PTPRB: variants seen among roughly 807,000 people sequenced by gnomAD.
PTPRB encodes protein tyrosine phosphatase receptor type B, also known as receptor-type tyrosine-protein phosphatase beta.
PTPRB carries 97 observed loss-of-function variants against 238.1 expected under a neutral mutation model. That is an observed-to-expected ratio of 0.41 (90% CI 0.35 to 0.48). The LOEUF (loss-of-function observed/expected upper bound fraction) is 0.48, where lower values mean the gene tolerates loss of function less well. Among genes scored for constraint, PTPRB ranks in the 20% least tolerant of loss-of-function variants. The pLI is 0.30. For missense variants in PTPRB, 2,292 were observed against 2,681.9 expected (o/e 0.85, Z 3.21); for synonymous variants, 970 against 995.4 (o/e 0.97, Z 0.48).
intron 33 of PTPRB, among the ~76,000 whole-genome samples, chr12:70,522,863 C>CT (rs35913444): frequency 0.19 from 22,070 of 117,868 alleles, 2,710 homozygotes; most frequent in Non-Finnish European, 0.22. Flanking sequence ...TTTGTTTTTT[C>CT]TTTTTTTTTT....
At chr12:70,561,471 A>C (rs567489632) in intron 16 of PTPRB, among the ~76,000 whole-genome samples, 2 of 152,318 alleles carry the variant, frequency 1.3e-5, no homozygotes, top group South Asian at 4.1e-4. Flanking sequence ...ACCTATCCCA[A>C]TAGCTTTGCT....
rs1279221891 is a variant in PTPRB, at chr12:70,538,303, T to G, written c.5870-72A>C. ...GTTTATGTGATGTGTGTGATGTGCC[T>G]TAGCTCTGATCCCCACAACAGCCAC... On this transcript the variant is annotated intron_variant, in intron 27 of 33. Transcript: ENST00000334414. 7 of 1,292,736 alleles carry G rather than the reference T, an allele frequency of 5.4e-6. No individual in the cohort carries two copies. In the South Asian group the frequency reaches 6.7e-5, roughly 12 times the overall value. The allele number at this position is 1,292,736 out of a possible 1,614,324, so 80.1% of individuals were successfully genotyped here. A position where few individuals can be genotyped will look rare whatever the true frequency, so the allele number is the denominator to read the frequency against.
At chr12:70,624,999 A>G (rs1885109992) in intron 2 of PTPRB, among the ~76,000 whole-genome samples, 1 of 152,184 alleles carries the variant, frequency 6.6e-6, no homozygotes, top group Non-Finnish European at 1.5e-5. Context: ...GTAGCTTTGG[A>G]CTATCCTATG....
rs927977061 is a variant in PTPRB, at chr12:70,519,097, G to C, written c.*2392C>G. ...TTGCTAAGAAGGTTTAAAATTAGGT[G>C]TAGGGTAGGAATAAACATTTCCTGG... On this transcript the variant is annotated 3_prime_UTR_variant, in exon 34 of 34. Transcript: ENST00000334414. 4.6e-5 allele frequency: 7 copies of C among 152,152 alleles called. No homozygotes were observed. Among genetic ancestry groups the C allele is most frequent in the African/African-American group, 7.2e-5 (3 of 41,410 alleles). The allele number at this position is 152,152 out of a possible 1,614,324, so 9.4% of individuals were successfully genotyped here.
At chr12:70,549,838 G>T (rs1314709964) in intron 21 of PTPRB, among the ~76,000 whole-genome samples, 1 of 152,194 alleles carries the variant, frequency 6.6e-6, no homozygotes, top group East Asian at 1.9e-4. Flanking sequence ...ATATAGGAAA[G>T]GTGTGTTCTG....
intron 3 of PTPRB, 56 bp from the exon 4 acceptor site, chr12:70,609,395 A>T: frequency 6.4e-7 from 1 of 1,570,496 alleles, no homozygotes; most frequent in Non-Finnish European, 8.6e-7. Context: ...GCTCAGGGAC[A>T]TGTCCACAGC....
chr12:70,539,145 A>AGG, intron 26 of PTPRB, 131 bp from the exon 27 acceptor site: 2 of 738,458 alleles, frequency 2.7e-6, no homozygotes, highest in Non-Finnish European at 4.6e-6. Context: ...CTAGTACTCA[A>AGG]CATGCATTAG....
intron 4 of PTPRB, among the ~76,000 whole-genome samples, chr12:70,600,961 G>C (rs1316872252): frequency 6.6e-6 from 1 of 152,002 alleles, no homozygotes; most frequent in Non-Finnish European, 1.5e-5. Context: ...TCCGCCTCCT[G>C]GGTTCAAGCG....
At chr12:70,534,235 G>C (rs1464482757) in intron 31 of PTPRB, among the ~76,000 whole-genome samples, 1 of 152,164 alleles carries the variant, frequency 6.6e-6, no homozygotes. Context: ...AAAAAAGCAA[G>C]AGGGAGAGAG....
chr12:70,619,157 A>AGAGTGT (rs1884807798), intron 3 of PTPRB, among the ~76,000 whole-genome samples: 1 of 142,120 alleles, frequency 7.0e-6, no homozygotes, highest in East Asian at 2.1e-4. Context: ...TGTTTAGGGG[A>AGAGTGT]GTGTGTGTGT....
Position 70,628,222 on chromosome 12 carries a change from T to G in PTPRB, c.452-5576A>C, listed in dbSNP as rs1221633398. On this transcript the variant is annotated intron_variant, in intron 2 of 33. Transcript: ENST00000334414. ...CCTGCCCTCAGATAAAGGTGAGATT[T>G]GAATGAATGAATCTGAATTGAGTGG... is the stretch of plus-strand genomic sequence containing the variant. Among the ~76,000 whole-genome samples, 6 of 152,208 alleles carry G rather than the reference T, an allele frequency of 3.9e-5. No individual in the cohort carries two copies. In the South Asian group the frequency reaches 1.2e-3, roughly 31 times the overall value.
rs777092193 is a variant in PTPRB, at chr12:70,571,061, T to A, written c.3335A>T (p.Asp1112Val). The change falls in exon 13 of 34, where the codon GAT becomes GTT. Residue 1112 changes from aspartate to valine, a missense_variant. By Grantham distance (152) the Asp-to-Val change is radical. Around this residue, in one of 4 missense-constraint regions of PTPRB, gnomAD observed 683 missense variants for 862.0 expected, o/e 0.79. Coordinates refer to ENST00000334414, the MANE Select transcript of PTPRB (RefSeq NM_001109754.4). ...CTCAATGAAGGCTGACTGCTGTACA[T>A]CCCCGCTAATCGTCAAGACAAGAAT... ...YKILVLTISG[D>V]VQQSAFIEGF... 11 of 1,613,966 alleles carry A rather than the reference T, an allele frequency of 6.8e-6. No individual in the cohort carries two copies. Among genetic ancestry groups the A allele is most frequent in the South Asian group, 6.6e-5 (6 of 91,078 alleles).
chr12:70,630,549 G>A (rs1431670655), intron 2 of PTPRB, among the ~76,000 whole-genome samples: 1 of 152,178 alleles, frequency 6.6e-6, no homozygotes, highest in Non-Finnish European at 1.5e-5. Context: ...ATTCGACATA[G>A]TGTTGGGAGT....
At position 70,636,008 on chromosome 12, in the gene PTPRB, C is replaced by G. The variant is rs763867949; in HGVS notation, c.114G>C (p.Val38=). 1.2e-6 allele frequency: 2 copies of G among 1,613,602 alleles called. No individual in the cohort carries two copies. Among genetic ancestry groups the G allele is most frequent in the Non-Finnish European group, 1.7e-6 (2 of 1,179,760 alleles). The change falls in exon 2 of 34, where the codon GTG becomes GTC. Residue 38 remains valine (V), a synonymous_variant. Transcript: ENST00000334414. Reference sequence around the variant, plus strand: ...TGGTCCTGTTGCATGAGCCCACGACCACTTTCTCATTTTTGAAAAGACACT... The same window carrying G: ...TGGTCCTGTTGCATGAGCCCACGACGACTTTCTCATTTTTGAAAAGACACT... ...KQQCLFKNEK[V]VVGSCNRTIQ...
At chr12:70,571,534 C>A in intron 12 of PTPRB, 1 of 579,666 alleles carries the variant, frequency 1.7e-6, no homozygotes, top group Non-Finnish European at 3.0e-6. Flanking sequence ...GTTATGATCT[C>A]AATCATAAGA....
In PTPRB at chr12:70,532,110, G is replaced by A; in HGVS notation, c.6429C>T (p.Asp2143=). 6.2e-7 allele frequency: 1 copy of A among 1,613,894 alleles called. No individual in the cohort carries two copies. The highest frequency in any genetic ancestry group is 8.5e-7 in the Non-Finnish European group (1 of 1,179,838). The part of the protein sequence containing the change: ...IALDRILQQL[D]SKDSVDIYGA... ...CATAAATGTCCACAGAGTCTTTGGA[G>A]TCTAACTGCTGGAGGATTCGGTCCA... The change falls in exon 32 of 34, where the codon GAC becomes GAT. Residue 2143 remains aspartate, a synonymous_variant. Transcript: ENST00000334414.
At chr12:70,555,020 C>A in intron 20 of PTPRB, 140 bp downstream of exon 20, 1 of 932,790 alleles carries the variant, frequency 1.1e-6, no homozygotes, top group Non-Finnish European at 1.6e-6. Context: ...CTCCCTGTAT[C>A]CAGCAGAGAG....
chr12:70,565,106 T>C (rs180796318), intron 15 of PTPRB, among the ~76,000 whole-genome samples: 2 of 152,298 alleles, frequency 1.3e-5, no homozygotes, highest in African/African-American at 4.8e-5. Flanking sequence ...TAGCCTATAG[T>C]AGGTACTCAA....
chr12:70,584,816 A>G lies in PTPRB; in HGVS notation c.2311+2191T>C, dbSNP rs959726103. On this transcript the variant is annotated intron_variant, in intron 9 of 33. Transcript: ENST00000334414. Reference sequence around the variant, plus strand: ...GATAAAACATCTCAGATGCAGGGGGAAAAAATGAGAAAAAAGGTAGTAAAT... The same window carrying G: ...GATAAAACATCTCAGATGCAGGGGGGAAAAATGAGAAAAAAGGTAGTAAAT... 2.6e-5 allele frequency: 4 copies of G among 152,130 alleles called. No individual in the cohort carries two copies. In the East Asian group the frequency reaches 5.8e-4, roughly 22 times the overall value. 9.4% of individuals were successfully genotyped at this position (152,130 alleles called of 1,614,324 possible). A position where few individuals can be genotyped will look rare whatever the true frequency, so the allele number is the denominator to read the frequency against.
Sources: gnomAD v4.1 joint callset for allele counts (sites outside exome capture counted in the v4.1 genomes callset) on GRCh38, gnomAD v4.1.1 for gene constraint, gnomAD v4.1.1 regional missense constraint, MANE v1.5 for transcripts, NCBI Gene and HGNC (gene_info 2026-07-23, HGNC 2026-07-21) for gene names.